Variants in STAT5B observed in about 807,000 individuals in gnomAD.
STAT5B encodes the protein signal transducer and activator of transcription 5B.
In STAT5B, 21 loss-of-function variants were observed where a neutral mutation model predicts 107.8. That is an observed-to-expected ratio of 0.19 (90% CI 0.14 to 0.28). The LOEUF (loss-of-function observed/expected upper bound fraction) is 0.28, where lower values mean the gene tolerates loss of function less well. Ranked by LOEUF, STAT5B falls within the 10% of genes least tolerant of loss-of-function variation. STAT5B has a pLI of 1.00. For missense variants in STAT5B, 565 were observed against 1,008.2 expected, an observed-to-expected ratio of 0.56 and a Z score of 5.95; for synonymous variants, 325 against 401.7, an observed-to-expected ratio of 0.81 and a Z score of 2.28.
intron 12 of STAT5B, 108 bp from the exon 13 acceptor site, chr17:42,212,298 C>T (rs1353031039): frequency 4.5e-6 from 7 of 1,550,342 alleles, no homozygotes; most frequent in Middle Eastern, 1.9e-4. Context: ...ACACATTTGT[C>T]TTGCAGGGCC....
intron 3 of STAT5B, among the ~76,000 whole-genome samples, chr17:42,226,065 G>A (rs1436090841): frequency 6.6e-6 from 1 of 152,160 alleles, no homozygotes; most frequent in South Asian, 2.1e-4. Flanking sequence ...CTCCCAAGTA[G>A]CTGGGATTAC....
Position 42,238,471 on chromosome 17 carries a change from T to C in STAT5B, c.-10-6334A>G, listed in dbSNP as rs796922598. Among the ~76,000 whole-genome samples, 611 of 146,412 alleles carry C rather than the reference T, an allele frequency of 4.2e-3. 4 individuals are homozygous for C. Among genetic ancestry groups the C allele is most frequent in the African/African-American group, 0.015 (593 of 39,110 alleles). On this transcript the variant is annotated intron_variant, in intron 1 of 18. Transcript: ENST00000293328. ...CTGGCCTTTTTTTTTTTTTTTTTTT[T>C]TAAGGCAGAGTCTCGTTCTGTCACC...
At chr17:42,263,031 ATTT>A (rs373970830) in intron 1 of STAT5B, among the ~76,000 whole-genome samples, 3 of 88,258 alleles carry the variant, frequency 3.4e-5, no homozygotes, top group Admixed American at 1.3e-4. Flanking sequence ...AACAAAAACA[ATTT>A]TTTTTTTTTT....
intron 16 of STAT5B, among the ~76,000 whole-genome samples, chr17:42,204,586 G>A (rs1343693069): frequency 6.6e-6 from 1 of 152,172 alleles, no homozygotes; most frequent in Non-Finnish European, 1.5e-5. Context: ...TGGCTAAGAA[G>A]TTAAAAACAA....
At chr17:42,260,136 T>C (rs2080582317) in intron 1 of STAT5B, among the ~76,000 whole-genome samples, 1 of 152,216 alleles carries the variant, frequency 6.6e-6, no homozygotes. Context: ...ATTGCAAATT[T>C]TATCTCATTT....
chr17:42,212,517 G>T (rs1016841069), intron 12 of STAT5B, among the ~76,000 whole-genome samples: 14 of 152,154 alleles, frequency 9.2e-5, no homozygotes, highest in African/African-American at 3.4e-4. Context: ...AAACACCTTG[G>T]GAATTTAGAA....
intron 3 of STAT5B, among the ~76,000 whole-genome samples, chr17:42,226,220 C>G (rs973777723): frequency 2.0e-5 from 3 of 152,080 alleles, no homozygotes; most frequent in African/African-American, 7.2e-5. Flanking sequence ...CTGGTGTGAG[C>G]CACTGCACCC....
At position 42,201,237 on chromosome 17, in the gene STAT5B, A is replaced by G. The variant is rs1341209385; in HGVS notation, c.*501T>C. The G allele has an allele frequency of 1.2e-5, 5 of 426,480 alleles. No homozygotes were observed. Among genetic ancestry groups the G allele is most frequent in the Non-Finnish European group, 2.1e-5 (5 of 241,924 alleles). 26.4% of individuals were successfully genotyped at this position (426,480 alleles called of 1,614,324 possible). A position where few individuals can be genotyped will look rare whatever the true frequency, so the allele number is the denominator to read the frequency against. On this transcript the variant is annotated 3_prime_UTR_variant, in exon 19 of 19. Coordinates refer to ENST00000293328, the MANE Select transcript of STAT5B (RefSeq NM_012448.4). ...GTCAAAAAGCAGTTATCTACATTTCAGAAGAAAAGCAGAGACAATCACGGT... is the reference window on the plus strand; with the variant it reads ...GTCAAAAAGCAGTTATCTACATTTCGGAAGAAAAGCAGAGACAATCACGGT...
chr17:42,241,294 C>T (rs1475431950), intron 1 of STAT5B, among the ~76,000 whole-genome samples: 4 of 148,972 alleles, frequency 2.7e-5, no homozygotes, highest in African/African-American at 5.0e-5. Flanking sequence ...GAGCTGAGAT[C>T]GCACCATTGC....
chr17:42,237,446 C>T (rs989367011), intron 1 of STAT5B, among the ~76,000 whole-genome samples: 1 of 152,184 alleles, frequency 6.6e-6, no homozygotes, highest in African/African-American at 2.4e-5. Context: ...ACATTACTCT[C>T]TCTCTGAAGA....
At chr17:42,283,512 C>T in the STAT5B span, among the ~76,000 whole-genome samples, 1 of 152,238 alleles carries the variant, frequency 6.6e-6, no homozygotes, top group Admixed American at 6.5e-5. Flanking sequence ...GGACTCCTCT[C>T]CTACCCACCC....
intron 16 of STAT5B, among the ~76,000 whole-genome samples, chr17:42,205,290 C>T (rs1034309629): frequency 1.3e-5 from 2 of 151,514 alleles, no homozygotes; most frequent in Non-Finnish European, 1.5e-5. Flanking sequence ...CTTGGCCTCC[C>T]AAAGTGTTGG....
rs1222337064 is a variant in STAT5B, at chr17:42,220,248, T to C, written c.551-406A>G. On this transcript the variant is annotated intron_variant, in intron 5 of 18. Transcript: ENST00000293328. ...CAAATCGCTTTCCTTTCCTGTGCCTTGGCTTCCCCACGTGTAAAACGGGAG... is the reference window on the plus strand; with the variant it reads ...CAAATCGCTTTCCTTTCCTGTGCCTCGGCTTCCCCACGTGTAAAACGGGAG... Among the ~76,000 whole-genome samples, 9 of 152,048 alleles carry C rather than the reference T, an allele frequency of 5.9e-5. No homozygotes were observed. The East Asian group carries it at 7.7e-4, about 13-fold the overall frequency.
intron 1 of STAT5B, among the ~76,000 whole-genome samples, chr17:42,262,303 G>A (rs2080605476): frequency 6.6e-6 from 1 of 152,142 alleles, no homozygotes; most frequent in South Asian, 2.1e-4. Context: ...TGGACTATAG[G>A]CATACACCAG....
chr17:42,216,929 T>G (rs1222913107), intron 11 of STAT5B, among the ~76,000 whole-genome samples: 1 of 152,090 alleles, frequency 6.6e-6, no homozygotes. Flanking sequence ...CCTGACTGCC[T>G]CAACCTACCA....
At chr17:42,247,504 G>C (rs1337819225) in intron 1 of STAT5B, among the ~76,000 whole-genome samples, 1 of 152,174 alleles carries the variant, frequency 6.6e-6, no homozygotes, top group Non-Finnish European at 1.5e-5. Context: ...TCATCAGCTG[G>C]TTAGTTCCCT....
chr17:42,246,697 G>A lies in STAT5B; in HGVS notation c.-10-14560C>T, dbSNP rs553823365. 1.1e-4 allele frequency among the ~76,000 whole-genome samples: 17 copies of A among 152,308 alleles called. No homozygotes were observed. The South Asian group carries it at 3.5e-3, about 32-fold the overall frequency. ...CAGTCCAAGCTACTCAGGAGGCTGA[G>A]ACAGGAGCGCTCCCAGGAGGTCAAG... On this transcript the variant is annotated intron_variant, in intron 1 of 18. Transcript: ENST00000293328.
rs2080191527 is a variant in STAT5B at position 42,218,337 on chromosome 17, G to C, written c.990-7C>G. On this transcript the variant is annotated splice_region_variant and splice_polypyrimidine_tract_variant and intron_variant, in intron 8 of 18. Coordinates refer to ENST00000293328, the MANE Select transcript of STAT5B (RefSeq NM_012448.4). ...CTTCTCAATGATGAACGTGCTGCAG[G>C]GGACACAGGGACAGATGCATGATGA... 2.1e-5 allele frequency: 34 copies of C among 1,612,224 alleles called. No individual in the cohort carries two copies. Among genetic ancestry groups the C allele is most frequent in the Non-Finnish European group, 2.8e-5 (33 of 1,178,544 alleles).
At chr17:42,254,940 A>G (rs1289471750) in intron 1 of STAT5B, among the ~76,000 whole-genome samples, 3 of 152,064 alleles carry the variant, frequency 2.0e-5, no homozygotes. Context: ...AAAATACAAA[A>G]ATTAGCTGGG....
Sources: gnomAD v4.1 joint callset for allele counts (sites outside exome capture counted in the v4.1 genomes callset) on GRCh38, gnomAD v4.1.1 for gene constraint, MANE v1.5 for transcripts, NCBI Gene and HGNC (gene_info 2026-07-23, HGNC 2026-07-21) for gene names.